The following MAPK8IP3 variants were observed in gnomAD, a reference collection of about 807,000 sequenced individuals.
MAPK8IP3 encodes mitogen-activated protein kinase 8 interacting protein 3, also known as C-Jun-amino-terminal kinase-interacting protein 3.
Under a neutral mutation model 157.8 loss-of-function variants are expected in MAPK8IP3, and 49 were observed. That is an observed-to-expected ratio of 0.31 (90% CI 0.25 to 0.39). The LOEUF is 0.39. MAPK8IP3 is among the 10% of genes least tolerant of loss of function. MAPK8IP3 has a pLI of 1.00. For missense variants in MAPK8IP3, 1,478 were observed against 1,889.4 expected, an observed-to-expected ratio of 0.78 and a Z score of 4.04; for synonymous variants, 897 against 777.7, an observed-to-expected ratio of 1.15 and a Z score of -2.55.
intron 4 of MAPK8IP3, among the ~76,000 whole-genome samples, chr16:1,731,129 C>T (rs2039290963): frequency 6.6e-6 from 1 of 151,612 alleles, no homozygotes; most frequent in Non-Finnish European, 1.5e-5. Context: ...GACAGAGAGT[C>T]CATCTCAAAA....
chr16:1,747,527 T>C (rs2041038464), intron 6 of MAPK8IP3, among the ~76,000 whole-genome samples: 1 of 152,178 alleles, frequency 6.6e-6, no homozygotes, highest in Non-Finnish European at 1.5e-5. Context: ...TGTCCTCATC[T>C]CCAGCTCCTA....
At chr16:1,712,653 G>A (rs1022796250) in intron 1 of MAPK8IP3, among the ~76,000 whole-genome samples, 1 of 152,156 alleles carries the variant, frequency 6.6e-6, no homozygotes, top group Non-Finnish European at 1.5e-5. Context: ...GTCTTCCCCA[G>A]GTGGCCCCCC....
intron 1 of MAPK8IP3, among the ~76,000 whole-genome samples, chr16:1,722,668 C>G (rs2038605228): frequency 6.6e-6 from 1 of 151,426 alleles, no homozygotes; most frequent in Non-Finnish European, 1.5e-5. Context: ...AGTTTGAGAC[C>G]AACCTGGGAA....
intron 25 of MAPK8IP3, 79 bp from the exon 26 acceptor site, chr16:1,767,070 C>CA: frequency 6.3e-7 from 1 of 1,586,286 alleles, no homozygotes. Flanking sequence ...CTTAGTCTGG[C>CA]AGTGGGTGTC....
rs377218335 is a variant in MAPK8IP3 at position 1,762,738 on chromosome 16, T to G, written c.1727+7T>G. 3.9e-5 allele frequency: 62 copies of G among 1,578,946 alleles called. 2 individuals carry two copies. In the East Asian group the frequency reaches 1.3e-3, roughly 34 times the overall value. ...AGTCGACCATCTGGCAGTTGTAAGC[T>G]GGGGGCCCCTGGGGGATGTGGGCAG... On this transcript the variant is annotated splice_region_variant and intron_variant, in intron 15 of 31. Coordinates refer to ENST00000610761, the MANE Select transcript of MAPK8IP3 (RefSeq NM_001318852.2).
chr16:1,743,598 C>T lies in MAPK8IP3; in HGVS notation c.747+122C>T, dbSNP rs894933089. The T allele has an allele frequency of 2.1e-5, 31 of 1,463,766 alleles. No individual in the cohort carries two copies. Among genetic ancestry groups the T allele is most frequent in the Admixed American group, 2.8e-5 (1 of 36,024 alleles). 90.7% of individuals were successfully genotyped at this position (1,463,766 alleles called of 1,614,324 possible). A position where few individuals can be genotyped will look rare whatever the true frequency, so the allele number is the denominator to read the frequency against. On this transcript the variant is annotated intron_variant, in intron 5 of 31. Transcript: ENST00000610761. The surrounding 1 kb of genome is among the most constrained non-coding windows in gnomAD (Gnocchi z 5.6). ...GCTCTCTGGGCCACTCGCCCTCTCC[C>T]TTCGTGTGTGGCAGGATGGAGAAAC...
At chr16:1,732,187 GGAAGGGCCTGAAGT>G (rs2039360927) in intron 4 of MAPK8IP3, among the ~76,000 whole-genome samples, 1 of 152,332 alleles carries the variant, frequency 6.6e-6, no homozygotes, top group African/African-American at 2.4e-5. Context: ...GCAGCGGGGA[GGAAGGGCCTGAAGT>G]CAGAAGCTGC....
intron 17 of MAPK8IP3, 64 bp from the exon 18 acceptor site, chr16:1,764,051 A>C (rs976693394): frequency 1.4e-6 from 2 of 1,461,318 alleles, no homozygotes; most frequent in Admixed American, 4.0e-5. Context: ...TACCTGTCTC[A>C]GATTTCTGGA....
chr16:1,744,591 C>T (rs973720356), intron 5 of MAPK8IP3: 3 of 985,562 alleles, frequency 3.0e-6, no homozygotes, highest in East Asian at 1.1e-4. Flanking sequence ...CACCTCCTCT[C>T]ACTGTCTCTG....
Position 1,743,277 on chromosome 16 carries a change from A to G in MAPK8IP3, c.603-55A>G. 2 of 1,479,968 alleles carry G rather than the reference A, an allele frequency of 1.4e-6. No individual in the cohort carries two copies. Among genetic ancestry groups the G allele is most frequent in the Non-Finnish European group, 8.9e-7 (1 of 1,121,200 alleles). The allele number at this position is 1,479,968 out of a possible 1,614,324, so 91.7% of individuals were successfully genotyped here. ...TGCTTGCCCTGGGAGGGCTTGGGAA[A>G]TCTTCACGGCCACCCTCTAACCATC... On this transcript the variant is annotated intron_variant, in intron 4 of 31. Transcript: ENST00000610761. This position sits in a 1 kb window ranked among gnomAD's most constrained non-coding sequence, Gnocchi z 5.6.
chr16:1,715,980 G>C (rs975263094), intron 1 of MAPK8IP3, among the ~76,000 whole-genome samples: 1 of 152,072 alleles, frequency 6.6e-6, no homozygotes, highest in African/African-American at 2.4e-5. Context: ...GCCCACCTCA[G>C]CCTCCCAAAG....
chr16:1,748,867 A>T lies in MAPK8IP3; in HGVS notation c.1216+147A>T, dbSNP rs768345820. ...CCAGCTTTGTTGAGTTGCGTTTCAC[A>T]TGGAATTGTCCCTCCATCTCCACAG... On this transcript the variant is annotated intron_variant, in intron 8 of 31. Transcript: ENST00000610761. The T allele has an allele frequency of 1.5e-5, 12 of 798,848 alleles. No homozygotes were observed. The East Asian group carries it at 2.7e-4, about 18-fold the overall frequency. The allele number at this position is 798,848 out of a possible 1,614,324, so 49.5% of individuals were successfully genotyped here. A position where few individuals can be genotyped will look rare whatever the true frequency, so the allele number is the denominator to read the frequency against.
intron 4 of MAPK8IP3, among the ~76,000 whole-genome samples, chr16:1,739,157 C>T (rs1483250191): frequency 4.5e-5 from 5 of 111,718 alleles, no homozygotes; most frequent in African/African-American, 1.7e-4. Flanking sequence ...TGTGACCATC[C>T]GTGTGAGTGT....
chr16:1,760,446 G>A lies in MAPK8IP3; in HGVS notation c.1371G>A (p.Glu457=). 11 of 1,614,030 alleles carry A rather than the reference G, an allele frequency of 6.8e-6. No individual in the cohort carries two copies. Among genetic ancestry groups the A allele is most frequent in the Non-Finnish European group, 9.3e-6 (11 of 1,179,946 alleles). The part of the protein sequence containing the change: ...AKVDQLSGEQ[E]VLRGELEAAK... The stretch of plus-strand genomic sequence containing the variant: ...TCGACCAGCTGTCCGGGGAGCAGGA[G>A]GTGCTGAGGGGCGAGTTGGAGGCTG... Residue 457 remains glutamate (E), a synonymous_variant, in exon 12 of 32, where the codon GAG becomes GAA. Transcript: ENST00000610761.
At chr16:1,752,443 G>A (rs183893087) in intron 8 of MAPK8IP3, 16 of 348,926 alleles carry the variant, frequency 4.6e-5, no homozygotes, top group South Asian at 1.9e-4. Context: ...AACGTAATGC[G>A]TATAAGAAAG....
chr16:1,738,425 C>T (rs1284834707), intron 4 of MAPK8IP3, among the ~76,000 whole-genome samples: 3 of 69,188 alleles, frequency 4.3e-5, no homozygotes, highest in African/African-American at 6.8e-5. Context: ...AGCGTGTGAC[C>T]GTGTGAGAGA....
At chr16:1,729,457 G>T in intron 3 of MAPK8IP3, 30 bp from the exon 4 acceptor site, 2 of 1,593,714 alleles carry the variant, frequency 1.3e-6, no homozygotes, top group Non-Finnish European at 1.7e-6. Flanking sequence ...CCCCACGGCA[G>T]CGCTAATGCA....
intron 25 of MAPK8IP3, 54 bp from the exon 26 acceptor site, chr16:1,767,095 T>C: frequency 1.2e-6 from 2 of 1,602,532 alleles, no homozygotes; most frequent in Non-Finnish European, 1.7e-6. Flanking sequence ...CCCGATGCCC[T>C]GAGCAGAGGT....
intron 16 of MAPK8IP3, among the ~76,000 whole-genome samples, chr16:1,763,365 C>G (rs149032683): frequency 2.0e-5 from 3 of 152,250 alleles, no homozygotes; most frequent in Non-Finnish European, 1.5e-5. Flanking sequence ...CTCCAGGTCC[C>G]GGTCTGTGGA....
Sources: gnomAD v4.1 joint callset for allele counts (sites outside exome capture counted in the v4.1 genomes callset) on GRCh38, gnomAD v4.1.1 for gene constraint, Gnocchi (gnomAD v3.1) non-coding constraint, MANE v1.5 for transcripts, NCBI Gene and HGNC (gene_info 2026-07-23, HGNC 2026-07-21) for gene names.